The following NFATC2 variants were observed in gnomAD, a reference collection of about 807,000 sequenced individuals.
NFATC2 encodes the protein nuclear factor of activated T cells 2, also known as nuclear factor of activated T-cells, cytoplasmic 2.
In NFATC2, 22 loss-of-function variants were observed where a neutral mutation model predicts 87.3. The observed-to-expected ratio is 0.25, with a 90% CI of 0.18 to 0.36. The LOEUF is 0.36. Among genes scored for constraint, NFATC2 ranks in the 10% least tolerant of loss-of-function variants. NFATC2 has a pLI of 1.00. For synonymous variants in NFATC2, 565 were observed against 542.2 expected (o/e 1.04, Z -0.58); for missense variants, 1,149 against 1,259.1 (o/e 0.91, Z 1.32).
upstream of NFATC2, among the ~76,000 whole-genome samples, chr20:51,543,814 G>C (rs2076862415): frequency 6.6e-6 from 1 of 152,032 alleles, no homozygotes; most frequent in African/African-American, 2.4e-5. Flanking sequence ...AACTCTGCCA[G>C]GGGGCTCCAC....
chr20:51,526,751 C>T, intron 1 of NFATC2, among the ~76,000 whole-genome samples: 1 of 151,956 alleles, frequency 6.6e-6, no homozygotes, highest in East Asian at 1.9e-4. Context: ...CCATATGGTA[C>T]CCCTACTTCC....
chr20:51,395,562 TAGAC>T (rs1986938055), intron 10 of NFATC2, among the ~76,000 whole-genome samples: 2 of 151,816 alleles, frequency 1.3e-5, no homozygotes, highest in African/African-American at 2.4e-5. Flanking sequence ...TGCTCATCCT[TAGAC>T]AGAGGTGCCC....
intron 6 of NFATC2, among the ~76,000 whole-genome samples, chr20:51,448,241 G>A (rs1439124232): frequency 6.6e-6 from 1 of 152,210 alleles, no homozygotes. Context: ...GTGACAAGGT[G>A]TCTGGGAAGC....
intron 9 of NFATC2, among the ~76,000 whole-genome samples, chr20:51,416,943 G>A (rs1183393719): frequency 1.3e-5 from 2 of 152,216 alleles, no homozygotes; most frequent in African/African-American, 4.8e-5. Context: ...GGGCCCAGGA[G>A]GAGGTCAGAT....
chr20:51,507,694 C>A (rs553782130), intron 3 of NFATC2, among the ~76,000 whole-genome samples: 1 of 152,238 alleles, frequency 6.6e-6, no homozygotes, highest in Non-Finnish European at 1.5e-5. Context: ...CTTCGAACCA[C>A]CCGCTTCGTC....
intron 9 of NFATC2, among the ~76,000 whole-genome samples, chr20:51,400,735 C>G (rs539469766): frequency 6.6e-6 from 1 of 152,200 alleles, no homozygotes; most frequent in Non-Finnish European, 1.5e-5. Flanking sequence ...GCTACTCGCT[C>G]TGCCTTCCTT....
chr20:51,460,765 G>A (rs983697566), intron 5 of NFATC2, among the ~76,000 whole-genome samples: 2 of 151,936 alleles, frequency 1.3e-5, no homozygotes, highest in African/African-American at 4.8e-5. Flanking sequence ...GAGCCACTAC[G>A]CCTGGCCCAG....
chr20:51,390,334 C>T lies in NFATC2; in HGVS notation c.*1162G>A, dbSNP rs1296097721. 2 of 152,226 alleles carry T rather than the reference C, an allele frequency of 1.3e-5. No individual in the cohort carries two copies. The highest frequency in any genetic ancestry group is 2.9e-5 in the Non-Finnish European group (2 of 68,038). The allele number at this position is 152,226 out of a possible 1,614,324, so 9.4% of individuals were successfully genotyped here. ...CACTTAGAGGGAATTCAGCCCTTTT[C>T]CTCTATCTTGGTAGAAACCCACCTC... On this transcript the variant is annotated 3_prime_UTR_variant, in exon 11 of 11. Coordinates refer to ENST00000371564, the MANE Select transcript of NFATC2 (RefSeq NM_012340.5).
rs201111632 is a variant in NFATC2 at position 51,474,967 on chromosome 20, A to AT, written c.1535+490dup. Among the ~76,000 whole-genome samples the AT allele has an allele frequency of 6.1e-3, 869 of 141,486 alleles. 11 individuals carry two copies. The highest frequency in any genetic ancestry group is 0.022 in the African/African-American group (814 of 37,636). 92.8% of individuals were successfully genotyped at this position (141,486 alleles called of 152,430 possible). ...TGAAAATACTGACATATTATACTTT[A>AT]TTTATTTTTTTTTTTTTTTGAGACA... On this transcript the variant is annotated intron_variant, in intron 4 of 10. Coordinates refer to ENST00000371564, the MANE Select transcript of NFATC2 (RefSeq NM_012340.5).
At chr20:51,398,552 G>C (rs1263913101) in intron 10 of NFATC2, 91 bp downstream of exon 10, 1 of 818,410 alleles carries the variant, frequency 1.2e-6, no homozygotes, top group East Asian at 2.8e-5. Flanking sequence ...AGCCTGTCAA[G>C]TTTTCTTATA....
chr20:51,467,542 A>T (rs1211787334), intron 5 of NFATC2, among the ~76,000 whole-genome samples: 3 of 141,666 alleles, frequency 2.1e-5, no homozygotes, highest in Non-Finnish European at 3.1e-5. Context: ...AGGGGAAAAG[A>T]GTGAGACTCC....
intron 1 of NFATC2, among the ~76,000 whole-genome samples, chr20:51,559,098 G>A (rs572272392): frequency 2.0e-5 from 3 of 152,338 alleles, no homozygotes; most frequent in Admixed American, 6.5e-5. Flanking sequence ...TGGGTAGCAA[G>A]GGAAAGACTA....
At chr20:51,477,781 C>G (rs1424417893) in intron 3 of NFATC2, among the ~76,000 whole-genome samples, 1 of 151,862 alleles carries the variant, frequency 6.6e-6, no homozygotes, top group African/African-American at 2.4e-5. Context: ...TCTCCAGTCA[C>G]CTGCCAAAAG....
intron 5 of NFATC2, among the ~76,000 whole-genome samples, chr20:51,459,736 G>A (rs550495380): frequency 5.3e-5 from 8 of 152,136 alleles, no homozygotes; most frequent in South Asian, 2.1e-4. Flanking sequence ...AAAATTGGCC[G>A]GGCCTGGTAG....
intron 9 of NFATC2, among the ~76,000 whole-genome samples, chr20:51,426,277 G>A (rs984500977): frequency 2.0e-5 from 3 of 152,222 alleles, no homozygotes; most frequent in Middle Eastern, 3.4e-3. Context: ...TCAGGAGTTC[G>A]AGACCAGCTG....
rs192021684 is a variant in NFATC2, at chr20:51,525,823, C to T, written c.131-1713G>A. Among the ~76,000 whole-genome samples the T allele has an allele frequency of 2.9e-3, 444 of 152,120 alleles. 2 individuals carry two copies. Among genetic ancestry groups the T allele is most frequent in the Admixed American group, 4.7e-3 (72 of 15,284 alleles). ...TGTCAGTCTGTTTGTCACGCAGCAG[C>T]CTTTAAAATGTCCATTCTCAAAACC... On this transcript the variant is annotated intron_variant, in intron 1 of 10. Transcript: ENST00000371564.
chr20:51,543,311 G>A (rs1016857656), upstream of NFATC2, among the ~76,000 whole-genome samples: 1 of 152,216 alleles, frequency 6.6e-6, no homozygotes. Flanking sequence ...GTTGCCCTCG[G>A]AAGCTCAGGC....
chr20:51,460,982 C>T (rs1050799110), intron 5 of NFATC2, among the ~76,000 whole-genome samples: 6 of 152,286 alleles, frequency 3.9e-5, no homozygotes, highest in Non-Finnish European at 7.4e-5. Flanking sequence ...TTGTCACGCA[C>T]GTTTGCTTAA....
intron 9 of NFATC2, among the ~76,000 whole-genome samples, chr20:51,427,007 C>T (rs1161734459): frequency 6.6e-6 from 1 of 152,192 alleles, no homozygotes; most frequent in East Asian, 1.9e-4. Context: ...ACACAAGCTG[C>T]TATCCTCACA....
Sources: allele counts gnomAD v4.1 joint callset (sites outside exome capture counted in the v4.1 genomes callset), GRCh38; gene constraint gnomAD v4.1.1; transcripts MANE v1.5; gene names NCBI Gene and HGNC (gene_info 2026-07-23, HGNC 2026-07-21).